NPSR1: variants seen among roughly 807,000 people sequenced by gnomAD.
The protein encoded by NPSR1 is neuropeptide S receptor.
Under a neutral mutation model 46.9 loss-of-function variants are expected in NPSR1, and 48 were observed. The ratio of observed to expected loss-of-function variants is 1.02; its 90% CI spans 0.81 to 1.30. NPSR1 has a LOEUF of 1.30. NPSR1 is among the 50% of genes most tolerant of loss of function. NPSR1 has a pLI of 0.00. For synonymous variants in NPSR1, 176 were observed against 168.1 expected (o/e 1.05, Z -0.36); for missense variants, 450 against 449.5 (o/e 1.00, Z -0.01).
chr7:34,695,686 A>T (rs62464154), intron 2 of NPSR1, among the ~76,000 whole-genome samples: 2,939 of 152,312 alleles, frequency 0.019, 40 homozygotes, highest in African/African-American at 0.038. Context: ...CTAGCAGCCA[A>T]CAAACACATG....
At chr7:34,694,044 T>C (rs1307050242) in intron 2 of NPSR1, among the ~76,000 whole-genome samples, 1 of 152,182 alleles carries the variant, frequency 6.6e-6, no homozygotes, top group Non-Finnish European at 1.5e-5. Context: ...GCCAACATTA[T>C]ACTGAATGAG....
chr7:34,778,032 G>A (rs1482281494), intron 2 of NPSR1, among the ~76,000 whole-genome samples: 4 of 152,114 alleles, frequency 2.6e-5, no homozygotes, highest in African/African-American at 9.7e-5. Flanking sequence ...GAAACAAGAG[G>A]TCCAATTTGC....
At chr7:34,826,648 T>G (rs915762828) in intron 4 of NPSR1, among the ~76,000 whole-genome samples, 20 of 152,208 alleles carry the variant, frequency 1.3e-4, no homozygotes, top group Admixed American at 1.3e-4. Flanking sequence ...TATGTATTAA[T>G]TGTCTCTCTC....
chr7:34,849,620 G>C lies in NPSR1; in HGVS notation c.1081G>C (p.Glu361Gln), dbSNP rs144899362. ...GTTCCGGGAGAGAACTGAGAGGCAT[G>C]AGATGCAGATTCTGTCCAAGCCAGA... ...MTFRERTERH[E>Q]MQILSKPEFI is the part of the protein sequence containing the mutation. The change falls in exon 9 of 9, where the codon GAG becomes CAG. Residue 361 changes from glutamate (E) to glutamine (Q), a missense_variant. Glu to Gln is a conservative substitution (Grantham distance 29, BLOSUM62 2). Coordinates refer to ENST00000360581, the MANE Select transcript of NPSR1 (RefSeq NM_207172.2). 1.9e-6 allele frequency: 3 copies of C among 1,614,166 alleles called. No homozygotes were observed. The highest frequency in any genetic ancestry group is 2.5e-6 in the Non-Finnish European group (3 of 1,180,014).
At chr7:34,848,911 T>C (rs552471790) in intron 8 of NPSR1, among the ~76,000 whole-genome samples, 1 of 152,340 alleles carries the variant, frequency 6.6e-6, no homozygotes, top group Non-Finnish European at 1.5e-5. Context: ...ATGACACATC[T>C]AGAAGACCTT....
Position 34,790,698 on chromosome 7 carries a change from A to G in NPSR1, c.384+12133A>G, listed in dbSNP as rs957309166. ...ATATGTTCTATGTTATATATAATAT[A>G]TGTTCTATGTTATATATAATATATG... On this transcript the variant is annotated intron_variant, in intron 3 of 8. Transcript: ENST00000360581. Among the ~76,000 whole-genome samples the G allele has an allele frequency of 4.2e-5, 6 of 143,826 alleles. No individual in the cohort carries two copies. The East Asian group carries it at 1.0e-3, about 24-fold the overall frequency. The allele number at this position is 143,826 out of a possible 152,430, so 94.4% of individuals were successfully genotyped here.
intron 3 of NPSR1, among the ~76,000 whole-genome samples, chr7:34,809,551 C>T (rs1444340425): frequency 6.7e-6 from 1 of 150,180 alleles, no homozygotes; most frequent in Non-Finnish European, 1.5e-5. Flanking sequence ...GCAAGCTCTG[C>T]CTCCCGGGTT....
intron 7 of NPSR1, 96 bp from the exon 8 acceptor site, chr7:34,848,387 C>T: frequency 6.8e-6 from 7 of 1,022,566 alleles, no homozygotes; most frequent in Non-Finnish European, 1.0e-5. Flanking sequence ...TTCCAGGTCC[C>T]AAAGAACCTC....
In NPSR1 at chr7:34,844,979, C is replaced by G. The variant is rs142805332; in HGVS notation, c.841C>G (p.Leu281Val). The G allele has an allele frequency of 1.2e-6, 2 of 1,608,064 alleles. No homozygotes were observed. Among genetic ancestry groups the G allele is most frequent in the Non-Finnish European group, 1.7e-6 (2 of 1,174,472 alleles). Residue 281 changes from leucine to valine, a missense_variant, in exon 7 of 9, where the codon CTT becomes GTT. By Grantham distance (32) the Leu-to-Val change is conservative. Transcript: ENST00000360581. ...KAIKYSIIII[L>V]AFICCWSPYF... ...TATCAAGTATAGCATCATCATCATT[C>G]TTGGTAAGCAATGTCCCTCCTTGAG...
At chr7:34,693,789 A>G (rs1793379801) in intron 2 of NPSR1, among the ~76,000 whole-genome samples, 1 of 152,224 alleles carries the variant, frequency 6.6e-6, no homozygotes, top group Non-Finnish European at 1.5e-5. Flanking sequence ...CATGTTAAAA[A>G]GATAATACAT....
chr7:34,766,266 A>G (rs1381960267), intron 2 of NPSR1, among the ~76,000 whole-genome samples: 1 of 152,202 alleles, frequency 6.6e-6, no homozygotes, highest in East Asian at 1.9e-4. Flanking sequence ...ACAGTGGTGC[A>G]GCAACATTGG....
Position 34,778,591 on chromosome 7 carries a change from G to A in NPSR1, c.384+26G>A, listed in dbSNP as rs780566133. On this transcript the variant is annotated intron_variant, in intron 3 of 8. Coordinates refer to ENST00000360581, the MANE Select transcript of NPSR1 (RefSeq NM_207172.2). The stretch of plus-strand genomic sequence containing the variant: ...GTATGTCACACCTTCCAAATGTGAT[G>A]AGACAAACTGATACCAGAGTTAGCT... The A allele has an allele frequency of 4.5e-5, 61 of 1,340,900 alleles. 3 individuals carry two copies. The South Asian group carries it at 6.9e-4, about 15-fold the overall frequency. The allele number at this position is 1,340,900 out of a possible 1,614,324, so 83.1% of individuals were successfully genotyped here.
intron 2 of NPSR1, among the ~76,000 whole-genome samples, chr7:34,715,238 T>C (rs545840851): frequency 1.7e-4 from 26 of 152,208 alleles, no homozygotes; most frequent in Non-Finnish European, 3.5e-4. Flanking sequence ...GAAACTCATA[T>C]ATGGAAAGGC....
chr7:34,699,323 A>C lies in NPSR1; in HGVS notation c.280+14639A>C, dbSNP rs184800742. ...AGTGAGACCCTGTCTCTACTAAAAA[A>C]TTTTTTAAATTAAAAGTTAAAAAAT... On this transcript the variant is annotated intron_variant, in intron 2 of 8. Transcript: ENST00000360581. Among the ~76,000 whole-genome samples the C allele has an allele frequency of 1.6e-3, 238 of 152,328 alleles. 1 individual carries two copies. Among genetic ancestry groups the C allele is most frequent in the South Asian group, 0.011 (54 of 4,828 alleles).
chr7:34,658,370 A>G lies in NPSR1; in HGVS notation c.-43A>G, dbSNP rs887020. ...GGAGGCAAGCTGGACTCCCTCACTC[A>G]GCTGCAGGAGCAAGGACAGTGAGGC... On this transcript the variant is annotated 5_prime_UTR_variant, in exon 1 of 9. Coordinates refer to ENST00000360581, the MANE Select transcript of NPSR1 (RefSeq NM_207172.2). 0.54 allele frequency: 871,098 copies of G among 1,606,998 alleles called. 244,310 individuals are homozygous for G. The highest frequency in any genetic ancestry group is 0.8 in the East Asian group (35,635 of 44,796).
At position 34,778,451 on chromosome 7, in the gene NPSR1, G is replaced by A. The variant is rs775913641; in HGVS notation, c.281-11G>A. Reference sequence around the variant, plus strand: ...AAACCCTGAATGTAAGCACTTGTACGTTTTTGTTAGATTCTTTCACAGGAC... The same window carrying A: ...AAACCCTGAATGTAAGCACTTGTACATTTTTGTTAGATTCTTTCACAGGAC... On this transcript the variant is annotated splice_polypyrimidine_tract_variant and intron_variant, in intron 2 of 8. Transcript: ENST00000360581. The A allele has an allele frequency of 7.3e-6, 11 of 1,513,940 alleles. No individual in the cohort carries two copies. The highest frequency in any genetic ancestry group is 5.7e-5 in the South Asian group (5 of 87,466). The allele number at this position is 1,513,940 out of a possible 1,614,324, so 93.8% of individuals were successfully genotyped here.
At chr7:34,738,402 C>G in intron 2 of NPSR1, among the ~76,000 whole-genome samples, 1 of 152,146 alleles carries the variant, frequency 6.6e-6, no homozygotes, top group East Asian at 1.9e-4. Context: ...TCTATTTCTT[C>G]TCAAATTATT....
intron 3 of NPSR1, 74 bp downstream of exon 3, chr7:34,778,639 C>A: frequency 1.1e-6 from 1 of 949,530 alleles, no homozygotes; most frequent in Non-Finnish European, 1.7e-6. Flanking sequence ...TAAGGAAAAT[C>A]ATATAAAACC....
chr7:34,864,060 A>C lies in NPSR1; in HGVS notation c.1026-14016A>C, dbSNP rs541138636. Reference sequence around the variant, plus strand: ...TGCAGCCATAAAAAAGGATGAGTTCATGTCCTTTGCAGGGACATAGATGAA... The same window carrying C: ...TGCAGCCATAAAAAAGGATGAGTTCCTGTCCTTTGCAGGGACATAGATGAA... On this transcript the variant is annotated intron_variant, in intron 8 of 8. Coordinates refer to the NPSR1 transcript ENST00000359791. 2.0e-5 allele frequency among the ~76,000 whole-genome samples: 3 copies of C among 151,946 alleles called. 1 individual carries two copies. Among genetic ancestry groups the C allele is most frequent in the African/African-American group, 7.3e-5 (3 of 41,172 alleles).
Sources: allele counts gnomAD v4.1 joint callset (sites outside exome capture counted in the v4.1 genomes callset), GRCh38; gene constraint gnomAD v4.1.1; transcripts MANE v1.5; gene names NCBI Gene and HGNC (gene_info 2026-07-23, HGNC 2026-07-21).